The following PAX8 variants were observed in gnomAD, a reference collection of about 807,000 sequenced individuals.
PAX8 encodes the protein paired box 8.
In PAX8, 15 loss-of-function variants were observed where a neutral mutation model predicts 52.4. The ratio of observed to expected loss-of-function variants is 0.29; its 90% CI spans 0.19 to 0.44. The LOEUF (loss-of-function observed/expected upper bound fraction) is 0.44, where lower values mean the gene tolerates loss of function less well. Among genes scored for constraint, PAX8 ranks in the 20% least tolerant of loss-of-function variants. The pLI, the probability that PAX8 is intolerant of heterozygous loss-of-function variation, is 1.00. For synonymous variants in PAX8, 284 were observed against 249.7 expected, an observed-to-expected ratio of 1.14 and a Z score of -1.29; for missense variants, 554 against 602.5, an observed-to-expected ratio of 0.92 and a Z score of 0.84.
At chr2:113,259,177 T>C (rs563197330) in intron 2 of PAX8, 10 of 152,704 alleles carry the variant, frequency 6.5e-5, no homozygotes, top group Non-Finnish European at 1.2e-4. Context: ...ATAAGGTATA[T>C]AAAGTAACAG....
chr2:113,237,227 C>T (rs1352768951), intron 7 of PAX8: 1 of 154,058 alleles, frequency 6.5e-6, no homozygotes, highest in Non-Finnish European at 1.4e-5. Flanking sequence ...TCAACCACTG[C>T]CCTAAACTGG....
intron 9 of PAX8, among the ~76,000 whole-genome samples, chr2:113,233,730 C>T (rs547614611): frequency 6.6e-6 from 1 of 152,066 alleles, no homozygotes; most frequent in African/African-American, 2.4e-5. Context: ...TCACATGACC[C>T]TGTGGTTACT....
intron 2 of PAX8, among the ~76,000 whole-genome samples, chr2:113,264,706 C>A (rs1358369527): frequency 6.6e-6 from 1 of 152,030 alleles, no homozygotes; most frequent in Non-Finnish European, 1.5e-5. Flanking sequence ...TACTGAGTAC[C>A]CAGGGAGTGG....
chr2:113,261,840 A>G (rs1387568579), intron 2 of PAX8, among the ~76,000 whole-genome samples: 1 of 150,484 alleles, frequency 6.6e-6, no homozygotes, highest in Admixed American at 6.6e-5. Flanking sequence ...TTTTTTTTAG[A>G]CAGAGTTTCA....
intron 2 of PAX8, chr2:113,268,090 T>G (rs148958776): frequency 2.2e-4 from 34 of 152,494 alleles, no homozygotes; most frequent in African/African-American, 7.9e-4. Context: ...CCCCCGGTTG[T>G]CTGTATGTTT....
intron 2 of PAX8, chr2:113,276,245 A>T (rs1393972696): frequency 2.0e-5 from 3 of 152,218 alleles, no homozygotes; most frequent in Non-Finnish European, 4.4e-5. Context: ...CCTCTCCCTC[A>T]GGTTTGCCGA....
intron 9 of PAX8, among the ~76,000 whole-genome samples, chr2:113,229,581 G>A (rs935690959): frequency 1.1e-4 from 16 of 152,226 alleles, no homozygotes; most frequent in African/African-American, 3.4e-4. Context: ...TTCTACAGGT[G>A]TGTTCAGTTT....
intron 2 of PAX8, chr2:113,263,530 A>C (rs1692838820): frequency 6.6e-6 from 1 of 152,308 alleles, no homozygotes; most frequent in African/African-American, 2.4e-5. Flanking sequence ...TTTTCACAAC[A>C]ATCCCATGAG....
chr2:113,235,803 A>G, intron 8 of PAX8: 1 of 549,290 alleles, frequency 1.8e-6, no homozygotes. Context: ...GAAAATGGAG[A>G]GACCCGGAAG....
intron 2 of PAX8, chr2:113,267,060 G>C (rs938203371): frequency 6.6e-6 from 1 of 152,370 alleles, no homozygotes; most frequent in Non-Finnish European, 1.5e-5. Context: ...TTCTCCTTTA[G>C]AGTGTAGTAG....
chr2:113,235,298 G>A (rs1690185499), intron 9 of PAX8, 96 bp downstream of exon 9: 1 of 1,043,710 alleles, frequency 9.6e-7, no homozygotes, highest in South Asian at 1.6e-5. Context: ...GGGGGTGGAT[G>A]AGACTGAGGC....
At chr2:113,250,256 G>C (rs1691658666) in intron 2 of PAX8, among the ~76,000 whole-genome samples, 1 of 116,368 alleles carries the variant, frequency 8.6e-6, no homozygotes, top group African/African-American at 3.6e-5. Context: ...GACAGAGCAA[G>C]ACTCCATCTC....
At position 113,242,159 on chromosome 2, in the gene PAX8, G is replaced by T. The variant is rs13015478; in HGVS notation, c.479-29C>A. The T allele has an allele frequency of 0.24, 384,842 of 1,604,806 alleles. 46,644 individuals carry two copies. Among genetic ancestry groups the T allele is most frequent in the Middle Eastern group, 0.34 (1,919 of 5,620 alleles). ...CAGTGGGGGAGAGGGAGAGGGTCAG[G>T]GGTGGGAGTGACACCCCTCACAGCC... is the stretch of plus-strand genomic sequence containing the variant. On this transcript the variant is annotated intron_variant, in intron 5 of 11. Coordinates refer to ENST00000429538, the MANE Select transcript of PAX8 (RefSeq NM_003466.4).
chr2:113,259,693 A>G (rs892492534), intron 2 of PAX8: 2 of 123,190 alleles, frequency 1.6e-5, no homozygotes, highest in African/African-American at 3.5e-5. Context: ...GTCAACAAAC[A>G]CTTATCGAAA....
intron 10 of PAX8, among the ~76,000 whole-genome samples, chr2:113,221,671 G>A (rs759135617): frequency 1.1e-4 from 17 of 152,162 alleles, no homozygotes; most frequent in South Asian, 2.1e-4. Flanking sequence ...AAACAGGTGC[G>A]AAAATAAAGC....
At position 113,235,587 on chromosome 2, in the gene PAX8, C is replaced by G. The variant is rs755505763; in HGVS notation, c.899-5G>C. The G allele has an allele frequency of 3.1e-6, 5 of 1,603,580 alleles. No homozygotes were observed. In the East Asian group the frequency reaches 6.7e-5, roughly 22 times the overall value. On this transcript the variant is annotated splice_polypyrimidine_tract_variant and splice_region_variant and intron_variant, in intron 8 of 11. Transcript: ENST00000429538. ...TGGCGAAGGGTGAGTGAGGATCTGC[C>G]GGAGGGAGGGAGACAACAAGGAGAG...
chr2:113,235,691 G>C, intron 8 of PAX8, 109 bp from the exon 9 acceptor site: 1 of 838,984 alleles, frequency 1.2e-6, no homozygotes, highest in Non-Finnish European at 1.8e-6. Context: ...GCGCGGGGCA[G>C]GCTCAGCTGC....
At chr2:113,278,321 C>T (rs1478594225) in intron 2 of PAX8, 49 bp downstream of exon 2, 1 of 1,409,208 alleles carries the variant, frequency 7.1e-7, no homozygotes, top group Non-Finnish European at 1.0e-6. Flanking sequence ...CACGCACGGA[C>T]GCTCAGCGGC....
chr2:113,278,386 G>C lies in PAX8; in HGVS notation c.9C>G (p.His3Gln). ...CGTTCTTACCAGATCTGATGGAGTT[G>C]TGAGGCATCGCCGGGGAGTCGCTCG... MP[H>Q]NSIRSGHGGL... Residue 3 changes from histidine (H) to glutamine (Q), a missense_variant, in exon 2 of 12, where the codon CAC becomes CAG. Transcript: ENST00000429538. 1 of 1,610,126 alleles carries C rather than the reference G, an allele frequency of 6.2e-7. No individual in the cohort carries two copies. Among genetic ancestry groups the C allele is most frequent in the Non-Finnish European group, 8.5e-7 (1 of 1,178,026 alleles).
Sources: allele counts gnomAD v4.1 joint callset (sites outside exome capture counted in the v4.1 genomes callset), GRCh38; gene constraint gnomAD v4.1.1; transcripts MANE v1.5; gene names NCBI Gene and HGNC (gene_info 2026-07-23, HGNC 2026-07-21).